Variants in SHROOM3 observed in about 807,000 individuals in gnomAD.
SHROOM3 encodes protein Shroom3.
In SHROOM3, 47 loss-of-function variants were observed where a neutral mutation model predicts 138.6. The observed-to-expected ratio is 0.34, with a 90% confidence interval of 0.27 to 0.43. SHROOM3 has a LOEUF of 0.43. Ranked by LOEUF, SHROOM3 falls within the 20% of genes least tolerant of loss-of-function variation. The pLI, the probability that SHROOM3 is intolerant of heterozygous loss-of-function variation, is 1.00. For synonymous variants in SHROOM3, 1,062 were observed against 1,063.3 expected (o/e 1.00, Z 0.02); for missense variants, 2,491 against 2,596.5 (o/e 0.96, Z 0.88).
chr4:76,496,755 A>G (rs527348529), intron 1 of SHROOM3, among the ~76,000 whole-genome samples: 1 of 150,082 alleles, frequency 6.7e-6, no homozygotes, highest in East Asian at 2.0e-4. Context: ...ATTGTTCCCT[A>G]TTCCCTTCCT....
At chr4:76,778,245 A>C (rs1170180559) in intron 10 of SHROOM3, among the ~76,000 whole-genome samples, 1 of 149,138 alleles carries the variant, frequency 6.7e-6, no homozygotes. Context: ...TTTTTGAGAC[A>C]AGAGTCTCAC....
At chr4:76,737,071 G>A (rs899826660) in intron 4 of SHROOM3, among the ~76,000 whole-genome samples, 7 of 152,084 alleles carry the variant, frequency 4.6e-5, no homozygotes, top group African/African-American at 1.4e-4. Context: ...CTCTGTGCTC[G>A]CCCATTCCTC....
chr4:76,602,950 T>G (rs1223423692), intron 2 of SHROOM3, among the ~76,000 whole-genome samples: 1 of 152,222 alleles, frequency 6.6e-6, no homozygotes, highest in African/African-American at 2.4e-5. Flanking sequence ...ACATAGTAAA[T>G]GCTCAAGATA....
At chr4:76,531,142 A>C (rs994635155) in intron 1 of SHROOM3, among the ~76,000 whole-genome samples, 22 of 152,180 alleles carry the variant, frequency 1.4e-4, no homozygotes, top group African/African-American at 4.6e-4. Context: ...CTATTAATAC[A>C]TTAGTCAAAT....
intron 1 of SHROOM3, among the ~76,000 whole-genome samples, chr4:76,459,331 C>A (rs1731094313): frequency 6.6e-6 from 1 of 152,130 alleles, no homozygotes; most frequent in Non-Finnish European, 1.5e-5. Context: ...AGACTACATT[C>A]CTCATTAGAC....
chr4:76,739,966 C>T lies in SHROOM3; in HGVS notation c.1793C>T (p.Ser598Phe), dbSNP rs1387570767. The change falls in exon 5 of 11, where the codon TCT (serine) becomes TTT (phenylalanine). Residue 598 changes from serine to phenylalanine, a missense_variant. By Grantham distance (155) the Ser-to-Phe change is radical. This residue lies in a region of SHROOM3 where 1,733 missense variants were observed against 1,661.6 expected (regional missense o/e 1.04). Coordinates refer to ENST00000296043, the MANE Select transcript of SHROOM3 (RefSeq NM_020859.4). ...AGCACCCACAGTAACAAACCATCTT[C>T]TCATCCCCACAGCCTCAAATGCCCT... The part of the protein sequence containing the change: ...RKSTHSNKPS[S>F]HPHSLKCPQA... 6.2e-7 allele frequency: 1 copy of T among 1,614,162 alleles called. No individual in the cohort carries two copies. The highest frequency in any genetic ancestry group is 2.2e-5 in the East Asian group (1 of 44,880).
chr4:76,614,349 C>T (rs911885574), intron 2 of SHROOM3, among the ~76,000 whole-genome samples: 4 of 152,046 alleles, frequency 2.6e-5, no homozygotes, highest in Admixed American at 6.5e-5. Context: ...CCACTGCGCC[C>T]GGTCCTAAAT....
chr4:76,610,963 C>T (rs190169285), intron 2 of SHROOM3, among the ~76,000 whole-genome samples: 10 of 152,268 alleles, frequency 6.6e-5, no homozygotes, highest in African/African-American at 2.2e-4. Flanking sequence ...TATTTCACAA[C>T]AATCTCAACC....
chr4:76,564,889 C>T (rs561115702), intron 2 of SHROOM3, among the ~76,000 whole-genome samples: 12 of 151,608 alleles, frequency 7.9e-5, no homozygotes, highest in East Asian at 2.0e-4. Flanking sequence ...AGGCTGGGTG[C>T]GGTGGCTCAT....
intron 3 of SHROOM3, among the ~76,000 whole-genome samples, chr4:76,724,531 C>T (rs758806129): frequency 1.4e-4 from 22 of 151,862 alleles, no homozygotes; most frequent in African/African-American, 4.8e-4. Flanking sequence ...GTAATACATG[C>T]GTATAGTATA....
intron 1 of SHROOM3, among the ~76,000 whole-genome samples, chr4:76,504,715 T>C (rs998993057): frequency 3.3e-5 from 5 of 152,204 alleles, no homozygotes; most frequent in Non-Finnish European, 7.3e-5. Flanking sequence ...AAGGGTACTT[T>C]TCTCCTTCAC....
chr4:76,590,603 T>A (rs1354713693), intron 2 of SHROOM3, among the ~76,000 whole-genome samples: 2 of 151,956 alleles, frequency 1.3e-5, no homozygotes, highest in Non-Finnish European at 2.9e-5. Flanking sequence ...AGATTTTTTC[T>A]ACACAGTGAT....
intron 10 of SHROOM3, among the ~76,000 whole-genome samples, chr4:76,775,750 T>G (rs932962530): frequency 6.6e-6 from 1 of 151,194 alleles, no homozygotes; most frequent in Non-Finnish European, 1.5e-5. Flanking sequence ...ACTATATATA[T>G]ACACACACCA....
At chr4:76,468,310 A>C (rs890336698) in intron 1 of SHROOM3, among the ~76,000 whole-genome samples, 5 of 152,236 alleles carry the variant, frequency 3.3e-5, no homozygotes, top group Non-Finnish European at 7.3e-5. Flanking sequence ...TTACAAATTC[A>C]CATTTTCTTT....
In SHROOM3 at chr4:76,740,076, A is replaced by C. The variant is rs757985374; in HGVS notation, c.1903A>C (p.Asn635His). ...PWEGDFQEDH[N>H]ANLWRRLERE... ...GGAGGGCGATTTCCAGGAAGACCACAATGCCAACCTCTGGAGGAGGCTGGA... is the reference window on the plus strand; with the variant it reads ...GGAGGGCGATTTCCAGGAAGACCACCATGCCAACCTCTGGAGGAGGCTGGA... The change falls in exon 5 of 11, where the codon AAT (asparagine) becomes CAT (histidine). Residue 635 changes from asparagine (N) to histidine (H), a missense_variant. Transcript: ENST00000296043. The surrounding 1 kb of genome is among the most constrained non-coding windows in gnomAD (Gnocchi z 4.0). 1 of 1,613,778 alleles carries C rather than the reference A, an allele frequency of 6.2e-7. No individual in the cohort carries two copies. The highest frequency in any genetic ancestry group is 1.7e-5 in the Admixed American group (1 of 60,026).
intron 2 of SHROOM3, among the ~76,000 whole-genome samples, chr4:76,598,551 G>A (rs72661434): frequency 0.081 from 12,378 of 152,228 alleles, 560 homozygotes; most frequent in East Asian, 0.14. Context: ...AGGGCTGATG[G>A]CACACTTGTG....
Position 76,466,797 on chromosome 4 carries a change from T to C in SHROOM3, c.168+30577T>C, listed in dbSNP as rs1035363284. ...AAGAGCCATAAAGGAATCCCTTTTT[T>C]GTACATGTTTAATTTTACATTTTAG... On this transcript the variant is annotated intron_variant, in intron 1 of 10. Coordinates refer to ENST00000296043, the MANE Select transcript of SHROOM3 (RefSeq NM_020859.4). 2.0e-5 allele frequency among the ~76,000 whole-genome samples: 3 copies of C among 152,158 alleles called. No individual in the cohort carries two copies. In the South Asian group the frequency reaches 6.2e-4, roughly 32 times the overall value.
intron 8 of SHROOM3, among the ~76,000 whole-genome samples, chr4:76,759,013 A>G (rs925351632): frequency 6.6e-5 from 10 of 152,208 alleles, no homozygotes; most frequent in African/African-American, 1.9e-4. Context: ...AGCAAACTGC[A>G]GATTTCCCAG....
At chr4:76,578,284 C>A (rs966625175) in intron 2 of SHROOM3, among the ~76,000 whole-genome samples, 1 of 152,088 alleles carries the variant, frequency 6.6e-6, no homozygotes, top group Non-Finnish European at 1.5e-5. Context: ...TTTAGCTATA[C>A]GGTTGGAGGA....
Sources: gnomAD v4.1 joint callset for allele counts (sites outside exome capture counted in the v4.1 genomes callset) on GRCh38, gnomAD v4.1.1 for gene constraint, gnomAD v4.1.1 regional missense constraint, Gnocchi (gnomAD v3.1) non-coding constraint, MANE v1.5 for transcripts, NCBI Gene and HGNC (gene_info 2026-07-23, HGNC 2026-07-21) for gene names.